The following CNTN3 variants were observed in gnomAD, a reference collection of about 807,000 sequenced individuals.
The protein encoded by CNTN3 is contactin-3.
CNTN3 carries 60 observed loss-of-function variants against 119.1 expected under a neutral mutation model. The ratio of observed to expected loss-of-function variants is 0.50; its 90% CI spans 0.41 to 0.62. CNTN3 has a LOEUF of 0.62. CNTN3 is among the 20% of genes least tolerant of loss of function. The probability of loss-of-function intolerance (pLI) is 0.00; values close to 1 mark genes in which losing one functional copy is unlikely to be tolerated. For synonymous variants in CNTN3, 450 were observed against 438.7 expected (o/e 1.03, Z -0.32); for missense variants, 1,101 against 1,242.4 (o/e 0.89, Z 1.71).
intron 20 of CNTN3, among the ~76,000 whole-genome samples, chr3:74,269,258 G>A (rs910269658): frequency 6.6e-6 from 1 of 151,874 alleles, no homozygotes; most frequent in African/African-American, 2.4e-5. Flanking sequence ...AGCTTGATGT[G>A]CTAGTTACAT....
intron 4 of CNTN3, among the ~76,000 whole-genome samples, chr3:74,479,894 C>A (rs1392996615): frequency 1.3e-5 from 2 of 151,664 alleles, no homozygotes; most frequent in Admixed American, 1.3e-4. Context: ...AAAATTTGGC[C>A]AAAATTTTGG....
intron 1 of CNTN3, among the ~76,000 whole-genome samples, chr3:74,581,459 A>G (rs1461257085): frequency 6.6e-6 from 1 of 152,192 alleles, no homozygotes; most frequent in Non-Finnish European, 1.5e-5. Context: ...AAATATTGCT[A>G]AGATAAATTA....
chr3:74,433,763 A>G (rs1701824413), intron 4 of CNTN3, among the ~76,000 whole-genome samples: 1 of 152,134 alleles, frequency 6.6e-6, no homozygotes, highest in South Asian at 2.1e-4. Flanking sequence ...CCACTCCTCC[A>G]CTGACACAGA....
At chr3:74,543,449 G>A (rs987408375) in intron 1 of CNTN3, among the ~76,000 whole-genome samples, 11 of 151,958 alleles carry the variant, frequency 7.2e-5, no homozygotes, top group Non-Finnish European at 1.2e-4. Flanking sequence ...GTGTTAGAAT[G>A]GTGTGAGAAT....
In CNTN3 at chr3:74,486,520, G is replaced by T. The variant is rs370106424; in HGVS notation, c.294C>A (p.Tyr98Ter). ...NPNRNWDTGTYQCFATNSLGT... is the reference protein window; with the variant it reads ...NPNRNWDTGT Reference sequence around the variant, plus strand: ...CAAGTGAATTTGTTGCAAAACATTGGTAAGTTCCTGTATCCCAATTTCTGT... The same window carrying T: ...CAAGTGAATTTGTTGCAAAACATTGTTAAGTTCCTGTATCCCAATTTCTGT... The change falls in exon 4 of 23, where the codon TAC (tyrosine) becomes TAA (stop). Residue 98 changes from tyrosine (Y) to a stop codon, truncating the protein, a stop_gained. Coordinates refer to ENST00000263665, the MANE Select transcript of CNTN3 (RefSeq NM_020872.3). LOFTEE classifies it high-confidence loss of function. 1 of 1,606,092 alleles carries T rather than the reference G, an allele frequency of 6.2e-7. No homozygotes were observed. Among genetic ancestry groups the T allele is most frequent in the Non-Finnish European group, 8.5e-7 (1 of 1,178,284 alleles).
rs770362630 is a variant in CNTN3, at chr3:74,364,529, A to G, written c.1151T>C (p.Phe384Ser). Reference protein sequence around the residue: ...SNLSVTDSGMFQCIAENKHGL... With the variant: ...SNLSVTDSGMSQCIAENKHGL... ...ATGTTTGTTTTCTGCTATGCATTGG[A>G]ACATGCCAGAATCAGTCACACTTAG... Residue 384 changes from phenylalanine to serine, a missense_variant, in exon 10 of 23, where the codon TTC (phenylalanine) becomes TCC (serine). Phe to Ser is a radical substitution (Grantham distance 155, BLOSUM62 -2). Transcript: ENST00000263665. 1.2e-6 allele frequency: 2 copies of G among 1,612,546 alleles called. No individual in the cohort carries two copies. The highest frequency in any genetic ancestry group is 1.7e-6 in the Non-Finnish European group (2 of 1,178,878).
At chr3:74,441,023 C>T (rs575356497) in intron 4 of CNTN3, among the ~76,000 whole-genome samples, 5 of 152,212 alleles carry the variant, frequency 3.3e-5, no homozygotes, top group African/African-American at 1.2e-4. Flanking sequence ...TTACCCCTAA[C>T]TTTAACATTG....
At chr3:74,432,874 C>G (rs1189770346) in intron 4 of CNTN3, among the ~76,000 whole-genome samples, 1 of 152,186 alleles carries the variant, frequency 6.6e-6, no homozygotes, top group African/African-American at 2.4e-5. Context: ...AGGGAAAACT[C>G]TCCCATGGCA....
At chr3:74,610,855 T>A (rs138243450) in intron 1 of CNTN3, among the ~76,000 whole-genome samples, 1 of 152,260 alleles carries the variant, frequency 6.6e-6, no homozygotes, top group African/African-American at 2.4e-5. Flanking sequence ...GTCTGAGTTG[T>A]ACTAGTTCCC....
intron 1 of CNTN3, among the ~76,000 whole-genome samples, chr3:74,595,141 G>GT (rs1287343465): frequency 6.7e-6 from 1 of 149,358 alleles, no homozygotes; most frequent in African/African-American, 2.5e-5. Context: ...TTTTGATGCG[G>GT]CTGTTTTTTT....
intron 7 of CNTN3, among the ~76,000 whole-genome samples, 164 bp downstream of exon 7, chr3:74,369,725 A>C (rs1704289984): frequency 6.6e-6 from 1 of 151,748 alleles, no homozygotes. Flanking sequence ...TTAAAGTTTC[A>C]AACTCAATTT....
In CNTN3 at chr3:74,443,897, T is replaced by A. The variant is rs571092379; in HGVS notation, c.359-18957A>T. ...AGCAAAGTACCATAAACAGCGTGGC[T>A]TAAAAAAAAACAGAAATGTATTGTC... On this transcript the variant is annotated intron_variant, in intron 4 of 22. Transcript: ENST00000263665. Among the ~76,000 whole-genome samples, 8 of 151,288 alleles carry A rather than the reference T, an allele frequency of 5.3e-5. No individual in the cohort carries two copies. The East Asian group carries it at 1.5e-3, about 29-fold the overall frequency.
intron 4 of CNTN3, among the ~76,000 whole-genome samples, chr3:74,455,612 T>C (rs1419668225): frequency 6.6e-6 from 1 of 152,140 alleles, no homozygotes; most frequent in East Asian, 1.9e-4. Flanking sequence ...TGCTCTGTTT[T>C]TTCCCCATCT....
intron 19 of CNTN3, among the ~76,000 whole-genome samples, chr3:74,285,980 T>G (rs1168797072): frequency 2.6e-5 from 4 of 151,314 alleles, no homozygotes; most frequent in East Asian, 2.0e-4. Flanking sequence ...AAGAAAGAAA[T>G]AAAAAAGATG....
At chr3:74,516,998 C>G (rs9815532) in intron 2 of CNTN3, among the ~76,000 whole-genome samples, 150,587 of 151,926 alleles carry the variant, frequency 0.99, 74,642 homozygotes, top group Middle Eastern at 1. Context: ...ACAGTTCCTG[C>G]TTCTAAATTT....
At position 74,297,913 on chromosome 3, in the gene CNTN3, A is replaced by T. The variant is rs566743243; in HGVS notation, c.2401+44T>A. ...CCAAATCAGTTTTTGGAGCACAAAT[A>T]ATTATTATTAGGCGGAACTGATATA... On this transcript the variant is annotated intron_variant, in intron 18 of 22. Coordinates refer to ENST00000263665, the MANE Select transcript of CNTN3 (RefSeq NM_020872.3). The T allele has an allele frequency of 4.2e-6, 6 of 1,437,694 alleles. No homozygotes were observed. In the East Asian group the frequency reaches 9.3e-5, roughly 22 times the overall value. The allele number at this position is 1,437,694 out of a possible 1,614,324, so 89.1% of individuals were successfully genotyped here.
At chr3:74,600,546 C>A (rs897562789) in intron 1 of CNTN3, among the ~76,000 whole-genome samples, 1 of 151,970 alleles carries the variant, frequency 6.6e-6, no homozygotes, top group Admixed American at 6.6e-5. Context: ...CTAAGACTTG[C>A]TTTATAAGAT....
intron 1 of CNTN3, among the ~76,000 whole-genome samples, chr3:74,603,210 G>T (rs887023626): frequency 2.0e-5 from 3 of 152,124 alleles, no homozygotes; most frequent in Admixed American, 6.5e-5. Context: ...CACTGATTAT[G>T]GACCACTACT....
intron 1 of CNTN3, among the ~76,000 whole-genome samples, chr3:74,598,526 C>T (rs890661242): frequency 1.8e-4 from 28 of 151,876 alleles, no homozygotes; most frequent in Non-Finnish European, 3.5e-4. Flanking sequence ...GTGGCATGAT[C>T]GCAGCTCACT....
Sources: gnomAD v4.1 joint callset for allele counts (sites outside exome capture counted in the v4.1 genomes callset) on GRCh38, gnomAD v4.1.1 for gene constraint, MANE v1.5 for transcripts, NCBI Gene and HGNC (gene_info 2026-07-23, HGNC 2026-07-21) for gene names.